SLCO3A1: variants seen among roughly 807,000 people sequenced by gnomAD.
SLCO3A1 encodes PGE1 transporter.
Under a neutral mutation model 63.1 loss-of-function variants are expected in SLCO3A1, and 27 were observed. The ratio of observed to expected loss-of-function variants is 0.43; its 90% CI spans 0.32 to 0.59. The LOEUF is 0.59. SLCO3A1 is among the 20% of genes least tolerant of loss of function. The pLI is 0.09. For missense variants in SLCO3A1, 773 were observed against 945.8 expected (o/e 0.82, Z 2.40); for synonymous variants, 473 against 409.9 (o/e 1.15, Z -1.86).
intron 2 of SLCO3A1, among the ~76,000 whole-genome samples, chr15:91,998,259 A>G (rs1301516406): frequency 6.6e-6 from 1 of 152,120 alleles, no homozygotes; most frequent in Non-Finnish European, 1.5e-5. Context: ...TTCGAGACCA[A>G]CGTAGCCCAC....
intron 2 of SLCO3A1, among the ~76,000 whole-genome samples, chr15:92,053,699 T>G (rs555059884): frequency 2.0e-5 from 3 of 150,270 alleles, no homozygotes; most frequent in South Asian, 4.2e-4. Flanking sequence ...TTTGTTTGTT[T>G]TTTTTTTTTT....
intron 2 of SLCO3A1, among the ~76,000 whole-genome samples, chr15:91,992,837 G>C (rs1003176673): frequency 3.3e-5 from 5 of 152,136 alleles, no homozygotes; most frequent in African/African-American, 1.2e-4. Context: ...ATAATCCTGG[G>C]TTGAACTGTC....
chr15:91,930,735 G>A (rs1204308332), intron 2 of SLCO3A1, among the ~76,000 whole-genome samples: 2 of 152,210 alleles, frequency 1.3e-5, no homozygotes, highest in Non-Finnish European at 2.9e-5. Flanking sequence ...TGTTTATTAA[G>A]CACTTATTGT....
At chr15:92,025,002 C>T (rs1454337846) in intron 2 of SLCO3A1, among the ~76,000 whole-genome samples, 1 of 150,092 alleles carries the variant, frequency 6.7e-6, no homozygotes, top group Non-Finnish European at 1.5e-5. Flanking sequence ...GCCAGCCTTC[C>T]ATCCATCTGT....
intron 4 of SLCO3A1, among the ~76,000 whole-genome samples, chr15:92,119,204 T>A (rs1338011591): frequency 1.3e-5 from 2 of 152,234 alleles, no homozygotes; most frequent in Admixed American, 6.5e-5. Flanking sequence ...TTCTGATTGC[T>A]GGGAATATCC....
At chr15:92,139,411 C>T (rs1245627181) in intron 7 of SLCO3A1, among the ~76,000 whole-genome samples, 3 of 152,048 alleles carry the variant, frequency 2.0e-5, no homozygotes, top group African/African-American at 4.8e-5. Context: ...CATCAATGTT[C>T]ATCAAGGATA....
intron 2 of SLCO3A1, among the ~76,000 whole-genome samples, chr15:92,046,082 A>T (rs2046858736): frequency 6.6e-6 from 1 of 152,218 alleles, no homozygotes; most frequent in Non-Finnish European, 1.5e-5. Context: ...TGTATACATT[A>T]GGGTTAATCT....
chr15:91,965,928 C>T (rs1900643182), intron 2 of SLCO3A1, among the ~76,000 whole-genome samples: 1 of 152,096 alleles, frequency 6.6e-6, no homozygotes, highest in Admixed American at 6.6e-5. Flanking sequence ...AGGAGAGAAA[C>T]TCAAATAGGA....
intron 4 of SLCO3A1, among the ~76,000 whole-genome samples, chr15:92,105,228 T>C (rs971665885): frequency 6.6e-6 from 1 of 152,036 alleles, no homozygotes; most frequent in Non-Finnish European, 1.5e-5. Context: ...GAGCCAAGAT[T>C]GAGCCACTGC....
intron 3 of SLCO3A1, among the ~76,000 whole-genome samples, chr15:92,097,704 G>A (rs1596098768): frequency 6.6e-6 from 1 of 152,172 alleles, no homozygotes; most frequent in African/African-American, 2.4e-5. Context: ...TGTCAGTCAC[G>A]GTCTTTGTTT....
chr15:92,152,313 A>G (rs370001371), intron 9 of SLCO3A1, among the ~76,000 whole-genome samples: 6 of 152,226 alleles, frequency 3.9e-5, no homozygotes, highest in East Asian at 3.8e-4. Flanking sequence ...TTCTCCGTCT[A>G]TAGCAAAAAC....
chr15:91,948,662 G>T lies in SLCO3A1; in HGVS notation c.646+32204G>T, dbSNP rs1003826482. On this transcript the variant is annotated intron_variant, in intron 2 of 9. Transcript: ENST00000318445. The surrounding 1 kb of genome is among the most constrained non-coding windows in gnomAD (Gnocchi z 4.8). ...TGGTGCCCTGTGTTTACAGACATGAGGGCTGGGTTTTCCTGCCCTGAGAAG... is the reference window on the plus strand; with the variant it reads ...TGGTGCCCTGTGTTTACAGACATGATGGCTGGGTTTTCCTGCCCTGAGAAG... 1.3e-5 allele frequency among the ~76,000 whole-genome samples: 2 copies of T among 152,174 alleles called. No homozygotes were observed. Among genetic ancestry groups the T allele is most frequent in the African/African-American group, 2.4e-5 (1 of 41,436 alleles).
chr15:92,070,391 G>A (rs941602266), intron 2 of SLCO3A1, among the ~76,000 whole-genome samples: 1 of 152,078 alleles, frequency 6.6e-6, no homozygotes, highest in Non-Finnish European at 1.5e-5. Flanking sequence ...GCCTGTAATC[G>A]CAGCACTTTG....
intron 3 of SLCO3A1, among the ~76,000 whole-genome samples, chr15:92,102,757 A>C (rs146722292): frequency 6.6e-6 from 1 of 152,310 alleles, no homozygotes; most frequent in East Asian, 1.9e-4. Context: ...CCTTAGGCTC[A>C]TGGCACAAAG....
intron 3 of SLCO3A1, among the ~76,000 whole-genome samples, chr15:92,099,753 G>A (rs2047581910): frequency 6.6e-6 from 1 of 152,114 alleles, no homozygotes; most frequent in African/African-American, 2.4e-5. Flanking sequence ...ACAAAGAGTG[G>A]AAGGGTTAGA....
Position 91,854,377 on chromosome 15 carries a change from TATTCCTCTCCCCCC to T in SLCO3A1, c.180+292_180+305del. ...GGCGGCGGGCAGGTGGGCGTGAAAC[TATTCCTCTCCCCCC>T]ATAAGAGCGGAGCGAGACGGTGAGT... is the stretch of plus-strand genomic sequence containing the variant. On this transcript the variant is annotated intron_variant, in intron 1 of 9. Coordinates refer to ENST00000318445, the MANE Select transcript of SLCO3A1 (RefSeq NM_013272.4). The surrounding 1 kb of genome is among the most constrained non-coding windows in gnomAD (Gnocchi z 6.4). 9.3e-7 allele frequency: 1 copy of T among 1,079,416 alleles called. No homozygotes were observed. The highest frequency in any genetic ancestry group is 5.8e-5 in the East Asian group (1 of 17,386). The allele number at this position is 1,079,416 out of a possible 1,614,324, so 66.9% of individuals were successfully genotyped here. A position where few individuals can be genotyped will look rare whatever the true frequency, so the allele number is the denominator to read the frequency against.
chr15:91,902,333 G>A (rs145216131), intron 1 of SLCO3A1, among the ~76,000 whole-genome samples: 3 of 152,018 alleles, frequency 2.0e-5, no homozygotes, highest in East Asian at 3.9e-4. Flanking sequence ...AGCAGCTAGG[G>A]CTCTCTCCAG....
intron 2 of SLCO3A1, among the ~76,000 whole-genome samples, chr15:92,061,616 A>G (rs1255662478): frequency 6.6e-6 from 1 of 152,216 alleles, no homozygotes; most frequent in East Asian, 1.9e-4. Context: ...GATCCTAAGA[A>G]AGCTAAGAGG....
chr15:92,075,999 G>A (rs1478715281), intron 2 of SLCO3A1, among the ~76,000 whole-genome samples: 2 of 152,206 alleles, frequency 1.3e-5, no homozygotes, highest in Non-Finnish European at 2.9e-5. Flanking sequence ...ACTTGTTCCT[G>A]CTAAACTCTG....
Sources: gnomAD v4.1 joint callset for allele counts (sites outside exome capture counted in the v4.1 genomes callset) on GRCh38, gnomAD v4.1.1 for gene constraint, Gnocchi (gnomAD v3.1) non-coding constraint, MANE v1.5 for transcripts, NCBI Gene and HGNC (gene_info 2026-07-23, HGNC 2026-07-21) for gene names.